HMGN5: variants seen among roughly 807,000 people sequenced by gnomAD.
HMGN5 encodes high mobility group nucleosome-binding domain-containing protein 5.
HMGN5 carries 4 observed loss-of-function variants against 9.5 expected under a neutral mutation model. The observed-to-expected ratio is 0.42, with a 90% CI of 0.21 to 0.96. The LOEUF (loss-of-function observed/expected upper bound fraction) is 0.96, where lower values mean the gene tolerates loss of function less well. Among genes scored for constraint, HMGN5 ranks in the 40% least tolerant of loss-of-function variants. HMGN5 has a pLI of 0.30. For synonymous variants in HMGN5, 55 were observed against 57.1 expected, an observed-to-expected ratio of 0.96 and a Z score of 0.16; for missense variants, 192 against 187.5, an observed-to-expected ratio of 1.02 and a Z score of -0.14.
intron 1 of HMGN5, among the ~76,000 whole-genome samples, chrX:81,171,927 G>A (rs781210023): frequency 3.6e-5 from 4 of 111,687 alleles, no homozygotes; most frequent in South Asian, 3.7e-4. Context: ...AAACCGATAA[G>A]AATGTTCACA....
At chrX:81,194,440 GTTC>G (rs1229376095) in intron 1 of HMGN5, among the ~76,000 whole-genome samples, 1 of 111,287 alleles carries the variant, frequency 9.0e-6, no homozygotes, top group African/African-American at 3.3e-5. Flanking sequence ...AATAGAAAAA[GTTC>G]TTAACAGATA....
At chrX:81,179,978 G>T (rs1478308759) in intron 1 of HMGN5, among the ~76,000 whole-genome samples, 3 of 111,722 alleles carry the variant, frequency 2.7e-5, no homozygotes, top group Non-Finnish European at 5.6e-5. Flanking sequence ...AATAAATGGT[G>T]CTGGGAAAAC....
intron 1 of HMGN5, among the ~76,000 whole-genome samples, chrX:81,184,566 T>G (rs750827821): frequency 2.8e-4 from 31 of 111,636 alleles, no homozygotes; most frequent in Non-Finnish European, 4.0e-4. Flanking sequence ...TGATTTTTTT[T>G]TTTTGTTTTG....
chrX:81,159,182 A>G (rs994817832), intron 1 of HMGN5, among the ~76,000 whole-genome samples: 11 of 111,250 alleles, frequency 9.9e-5, no homozygotes, highest in African/African-American at 3.6e-4. Context: ...GAGCTGAACA[A>G]TGGAAACACA....
intron 1 of HMGN5, among the ~76,000 whole-genome samples, chrX:81,173,588 C>A (rs1232775554): frequency 1.8e-5 from 2 of 111,915 alleles, no homozygotes; most frequent in Admixed American, 1.9e-4. Context: ...CCATTTCTCT[C>A]AAGAAGATTT....
At chrX:81,152,058 C>T (rs1276654768) in intron 1 of HMGN5, among the ~76,000 whole-genome samples, 11 of 111,791 alleles carry the variant, frequency 9.8e-5, no homozygotes, top group African/African-American at 3.6e-4. Context: ...AAAACCTAGG[C>T]ATTACCATTC....
At chrX:81,122,035 C>G (rs2075270621) in intron 1 of HMGN5, among the ~76,000 whole-genome samples, 1 of 112,624 alleles carries the variant, frequency 8.9e-6, no homozygotes, top group African/African-American at 3.2e-5. Flanking sequence ...CGCCACCCTT[C>G]CCTATTCCTA....
chrX:81,186,220 A>G (rs1198668012), intron 1 of HMGN5, among the ~76,000 whole-genome samples: 2 of 111,917 alleles, frequency 1.8e-5, no homozygotes, highest in Non-Finnish European at 3.8e-5. Flanking sequence ...GGTGGAATTC[A>G]GCAGTGAAAC....
At chrX:81,172,577 A>G (rs2075429402) in intron 1 of HMGN5, among the ~76,000 whole-genome samples, 1 of 110,316 alleles carries the variant, frequency 9.1e-6, no homozygotes, top group Non-Finnish European at 1.9e-5. Context: ...CTATAAAAGA[A>G]CAAGAAGGAA....
At chrX:81,199,778 G>A (rs757495039) in intron 1 of HMGN5, among the ~76,000 whole-genome samples, 161 of 112,151 alleles carry the variant, frequency 1.4e-3, no homozygotes, top group African/African-American at 5.2e-3. Flanking sequence ...AAAAACCCTA[G>A]AAGAAGACCT....
intron 1 of HMGN5, among the ~76,000 whole-genome samples, chrX:81,181,303 TTTTA>T (rs777875059): frequency 1.9e-4 from 21 of 111,544 alleles, no homozygotes; most frequent in African/African-American, 6.5e-4. Flanking sequence ...TTTTTTGGTT[TTTTA>T]TTTATTTTTT....
intron 1 of HMGN5, among the ~76,000 whole-genome samples, chrX:81,167,336 C>T: frequency 9.1e-6 from 1 of 110,435 alleles, no homozygotes; most frequent in Non-Finnish European, 1.9e-5. Context: ...AAAAGGCCTT[C>T]TACACCTTGG....
chrX:81,161,969 G>A (rs2075398675), intron 1 of HMGN5, among the ~76,000 whole-genome samples: 1 of 111,510 alleles, frequency 9.0e-6, no homozygotes, highest in Non-Finnish European at 1.9e-5. Flanking sequence ...TCCATACAGA[G>A]ATTCTCAAAT....
Position 81,166,832 on chromosome X carries a change from A to G in HMGN5, c.-124+34905T>C, listed in dbSNP as rs193114659. On this transcript the variant is annotated intron_variant, in intron 1 of 6. Coordinates refer to ENST00000358130, the MANE Select transcript of HMGN5 (RefSeq NM_030763.3). Reference sequence around the variant, plus strand: ...TTTAGAAAGGTTCAAGCAAAGTCTCATACATTCTTGGACTCAGTCAGCCCA... The same window carrying G: ...TTTAGAAAGGTTCAAGCAAAGTCTCGTACATTCTTGGACTCAGTCAGCCCA... Among the ~76,000 whole-genome samples, 6 of 111,768 alleles carry G rather than the reference A, an allele frequency of 5.4e-5. No homozygotes were observed. The East Asian group carries it at 1.4e-3, about 26-fold the overall frequency.
chrX:81,119,695 A>ACCC (rs762415419), intron 3 of HMGN5, 93 bp downstream of exon 3: 143 of 728,739 alleles, frequency 2.0e-4, no homozygotes, highest in Non-Finnish European at 2.8e-4. Flanking sequence ...TATTGTACAA[A>ACCC]TATACCAACC....
chrX:81,153,640 T>TATATATATATAA (rs2075374973), intron 1 of HMGN5, among the ~76,000 whole-genome samples: 1 of 51,409 alleles, frequency 1.9e-5, no homozygotes, highest in African/African-American at 7.8e-5. Context: ...TATATATATA[T>TATATATATATAA]GTATCTCCTT....
intron 1 of HMGN5, among the ~76,000 whole-genome samples, chrX:81,184,628 G>C (rs1012094714): frequency 2.8e-5 from 3 of 107,822 alleles, no homozygotes; most frequent in Non-Finnish European, 5.8e-5. Flanking sequence ...TTTTTAACTT[G>C]ATTTGATATC....
chrX:81,133,080 T>C (rs1406625594), intron 1 of HMGN5, among the ~76,000 whole-genome samples: 3 of 110,583 alleles, frequency 2.7e-5, no homozygotes, highest in Middle Eastern at 4.6e-3. Flanking sequence ...AGAAATATAG[T>C]GGCCAACAAT....
intron 1 of HMGN5, among the ~76,000 whole-genome samples, chrX:81,137,927 C>T (rs2147551441): frequency 9.0e-6 from 1 of 111,570 alleles, no homozygotes; most frequent in Admixed American, 9.5e-5. Flanking sequence ...TAACTTTACA[C>T]TCATAAATTT....
Sources: gnomAD v4.1 joint callset for allele counts (sites outside exome capture counted in the v4.1 genomes callset) on GRCh38, gnomAD v4.1.1 for gene constraint, MANE v1.5 for transcripts, NCBI Gene and HGNC (gene_info 2026-07-23, HGNC 2026-07-21) for gene names.